CCDC122: variants seen among roughly 807,000 people sequenced by gnomAD.
CCDC122 encodes the protein coiled-coil domain-containing protein 122.
CCDC122 carries 38 observed loss-of-function variants against 37.0 expected under a neutral mutation model. That is an observed-to-expected ratio of 1.03 (90% confidence interval 0.79 to 1.35). The LOEUF (loss-of-function observed/expected upper bound fraction) is 1.35, where lower values mean the gene tolerates loss of function less well. CCDC122 is among the 40% of genes most tolerant of loss of function. The pLI is 0.00. For missense variants in CCDC122, 305 were observed against 310.0 expected, an observed-to-expected ratio of 0.98 and a Z score of 0.12; for synonymous variants, 83 against 95.6, an observed-to-expected ratio of 0.87 and a Z score of 0.77.
chr13:43,879,140 G>A (rs1273579025), intron 1 of CCDC122: 2 of 152,162 alleles, frequency 1.3e-5, no homozygotes, highest in African/African-American at 4.8e-5. Flanking sequence ...ATTAGCAGAA[G>A]GGAGACTGCG....
chr13:43,860,085 A>T lies in CCDC122; in HGVS notation c.157-15T>A. Reference sequence around the variant, plus strand: ...TGAAGTTCATTCTGTAATACATTTTAACATTATCATTATTAATTCAAAATA... The same window carrying T: ...TGAAGTTCATTCTGTAATACATTTTTACATTATCATTATTAATTCAAAATA... On this transcript the variant is annotated splice_polypyrimidine_tract_variant and intron_variant, in intron 4 of 6. Coordinates refer to ENST00000444614, the MANE Select transcript of CCDC122 (RefSeq NM_144974.5). The T allele has an allele frequency of 7.5e-7, 1 of 1,333,220 alleles. No individual in the cohort carries two copies. 82.6% of individuals were successfully genotyped at this position (1,333,220 alleles called of 1,614,324 possible).
rs190184975 is a variant in CCDC122 at position 43,877,276 on chromosome 13, A to G, written c.-199-2349T>C. Among the ~76,000 whole-genome samples the G allele has an allele frequency of 3.9e-3, 601 of 152,342 alleles. 2 individuals are homozygous for G. The highest frequency in any genetic ancestry group is 0.013 in the African/African-American group (560 of 41,570). On this transcript the variant is annotated intron_variant, in intron 1 of 6. Transcript: ENST00000444614. Reference sequence around the variant, plus strand: ...GAATTCCAATCAGTAGACTACATGCAAAGAAAAGGTCTTGGATCTTCTCAA... The same window carrying G: ...GAATTCCAATCAGTAGACTACATGCGAAGAAAAGGTCTTGGATCTTCTCAA...
chr13:43,830,870 G>T (rs1953082848), intron 3 of CCDC122, among the ~76,000 whole-genome samples: 1 of 152,116 alleles, frequency 6.6e-6, no homozygotes, highest in African/African-American at 2.4e-5. Flanking sequence ...GACTGAAAAA[G>T]CTAAGGTCTG....
chr13:43,830,725 G>T (rs115986554), intron 3 of CCDC122, among the ~76,000 whole-genome samples: 1 of 152,266 alleles, frequency 6.6e-6, no homozygotes, highest in African/African-American at 2.4e-5. Flanking sequence ...ATAGATTCTT[G>T]CATAAACCGG....
chr13:43,868,128 T>C (rs1954334228), intron 4 of CCDC122, among the ~76,000 whole-genome samples: 1 of 152,192 alleles, frequency 6.6e-6, no homozygotes, highest in African/African-American at 2.4e-5. Context: ...ACTCTTCTCA[T>C]TTCTATGATA....
intron 2 of CCDC122, among the ~76,000 whole-genome samples, chr13:43,870,226 C>T (rs1316712966): frequency 2.0e-5 from 3 of 152,058 alleles, no homozygotes; most frequent in Admixed American, 6.6e-5. Flanking sequence ...ATTATCATAA[C>T]CATTCCTTGA....
At chr13:43,857,818 G>A (rs887593452) in intron 6 of CCDC122, among the ~76,000 whole-genome samples, 2 of 151,962 alleles carry the variant, frequency 1.3e-5, no homozygotes, top group African/African-American at 2.4e-5. Flanking sequence ...TGGGAAAATC[G>A]CTGGAACCCG....
At chr13:43,830,208 A>G (rs1263703166) in intron 3 of CCDC122, among the ~76,000 whole-genome samples, 2 of 152,164 alleles carry the variant, frequency 1.3e-5, no homozygotes, top group African/African-American at 4.8e-5. Context: ...CAAATAAATC[A>G]TGTCAAAATT....
intron 2 of CCDC122, among the ~76,000 whole-genome samples, chr13:43,871,929 T>C (rs1954465205): frequency 6.6e-6 from 1 of 152,114 alleles, no homozygotes; most frequent in South Asian, 2.1e-4. Flanking sequence ...CATTCCTAGA[T>C]TACAGCATCT....
intron 6 of CCDC122, among the ~76,000 whole-genome samples, chr13:43,846,718 T>C (rs1193543137): frequency 1.3e-5 from 2 of 152,172 alleles, no homozygotes; most frequent in Non-Finnish European, 2.9e-5. Flanking sequence ...AGCATTCTAA[T>C]TGTTTCCCAA....
intron 4 of CCDC122, among the ~76,000 whole-genome samples, chr13:43,867,085 C>T (rs9525858): frequency 0.89 from 135,676 of 152,024 alleles, 61,307 homozygotes; most frequent in South Asian, 0.98. Flanking sequence ...TTCCTTAGAC[C>T]AAGGAAGTTC....
At chr13:43,868,659 G>A (rs1161882455) in intron 4 of CCDC122, 35 bp downstream of exon 4, 2 of 1,112,278 alleles carry the variant, frequency 1.8e-6, no homozygotes, top group Non-Finnish European at 2.5e-6. Flanking sequence ...TTTGAAGAAA[G>A]TAAAGACATT....
intron 6 of CCDC122, 149 bp from the exon 7 acceptor site, chr13:43,837,578 A>G: frequency 1.5e-6 from 1 of 668,144 alleles, no homozygotes. Flanking sequence ...CAGTAATTGT[A>G]AAACTGTTTA....
downstream of CCDC122, among the ~76,000 whole-genome samples, chr13:43,819,540 G>A (rs186549025): frequency 1.1e-4 from 17 of 152,232 alleles, no homozygotes; most frequent in Non-Finnish European, 1.9e-4. Context: ...TATCACTGTG[G>A]AGATATGTCC....
chr13:43,866,719 T>A (rs1954287278), intron 4 of CCDC122, among the ~76,000 whole-genome samples: 1 of 152,214 alleles, frequency 6.6e-6, no homozygotes, highest in African/African-American at 2.4e-5. Context: ...TTTGAAGTTT[T>A]AATTTCTGAT....
intron 6 of CCDC122, chr13:43,849,253 T>C (rs1953645268): frequency 5.1e-6 from 1 of 195,808 alleles, no homozygotes; most frequent in South Asian, 1.8e-4. Context: ...TGACAAGAAG[T>C]TTTATGATGG....
intron 3 of CCDC122, among the ~76,000 whole-genome samples, chr13:43,826,026 T>C (rs1295332809): frequency 6.6e-6 from 1 of 152,206 alleles, no homozygotes; most frequent in Non-Finnish European, 1.5e-5. Flanking sequence ...TCCCAGCAAT[T>C]TGAAACACAA....
At chr13:43,857,931 TA>T (rs1468310818) in intron 6 of CCDC122, among the ~76,000 whole-genome samples, 3 of 152,052 alleles carry the variant, frequency 2.0e-5, no homozygotes, top group Non-Finnish European at 4.4e-5. Flanking sequence ...ATAATAATAA[TA>T]TTTTTTTCTA....
chr13:43,860,144 A>C, intron 4 of CCDC122, 74 bp from the exon 5 acceptor site: 1 of 741,794 alleles, frequency 1.3e-6, no homozygotes, highest in Non-Finnish European at 1.9e-6. Context: ...GTTTTAATCC[A>C]TAATGAATAT....
Sources: gnomAD v4.1 joint callset for allele counts (sites outside exome capture counted in the v4.1 genomes callset) on GRCh38, gnomAD v4.1.1 for gene constraint, MANE v1.5 for transcripts, NCBI Gene and HGNC (gene_info 2026-07-23, HGNC 2026-07-21) for gene names.